Variants in PCCA observed in about 807,000 individuals in gnomAD.
The protein encoded by PCCA is propionyl-CoA carboxylase alpha chain, mitochondrial.
PCCA carries 74 observed loss-of-function variants against 101.3 expected under a neutral mutation model. That is an observed-to-expected ratio of 0.73 (90% CI 0.61 to 0.89). The LOEUF is 0.89. Ranked by LOEUF, PCCA falls within the 40% of genes least tolerant of loss-of-function variation. The probability of loss-of-function intolerance (pLI) is 0.00; values close to 1 mark genes in which losing one functional copy is unlikely to be tolerated. For synonymous variants in PCCA, 294 were observed against 313.6 expected (o/e 0.94, Z 0.66); for missense variants, 891 against 907.0 (o/e 0.98, Z 0.23).
Position 100,295,254 on chromosome 13 carries a change from T to C in PCCA, c.1066-6206T>C, listed in dbSNP as rs554300638. Among the ~76,000 whole-genome samples, 30 of 152,304 alleles carry C rather than the reference T, an allele frequency of 2.0e-4. No individual in the cohort carries two copies. In the South Asian group the frequency reaches 5.8e-3, roughly 29 times the overall value. On this transcript the variant is annotated intron_variant, in intron 12 of 23. Coordinates refer to ENST00000376285, the MANE Select transcript of PCCA (RefSeq NM_000282.4). ...CAAAAATAATGGCATTGACCATCCT[T>C]TCAGGCTGGAATAGCAACAAACTAC...
At chr13:100,096,498 C>A (rs1292075940) in intron 1 of PCCA, among the ~76,000 whole-genome samples, 2 of 152,148 alleles carry the variant, frequency 1.3e-5, no homozygotes, top group East Asian at 3.9e-4. Flanking sequence ...AATTAATAAT[C>A]TTCTAAGCGT....
At chr13:100,155,176 G>C in intron 5 of PCCA, 84 bp downstream of exon 5, 1 of 898,216 alleles carries the variant, frequency 1.1e-6, no homozygotes, top group Middle Eastern at 2.2e-4. Flanking sequence ...AAAAAAAATA[G>C]GAAAGAATGA....
intron 19 of PCCA, among the ~76,000 whole-genome samples, chr13:100,392,554 G>A (rs1567056382): frequency 6.6e-6 from 1 of 152,064 alleles, no homozygotes; most frequent in East Asian, 1.9e-4. Flanking sequence ...ATTCTTCACA[G>A]TTTTTTCTCT....
At chr13:100,515,628 G>A in intron 22 of PCCA, 61 bp downstream of exon 22, 1 of 1,586,204 alleles carries the variant, frequency 6.3e-7, no homozygotes, top group Non-Finnish European at 8.6e-7. Context: ...CTTCCAAAGC[G>A]ACGGCTAACG....
chr13:100,141,895 G>T (rs2051916120), intron 4 of PCCA, among the ~76,000 whole-genome samples: 1 of 152,164 alleles, frequency 6.6e-6, no homozygotes, highest in African/African-American at 2.4e-5. Context: ...ATGTTAAAGG[G>T]ATATGATGGG....
chr13:100,427,866 T>A (rs911365473), intron 20 of PCCA, among the ~76,000 whole-genome samples: 1 of 152,158 alleles, frequency 6.6e-6, no homozygotes, highest in African/African-American at 2.4e-5. Context: ...ATAACAATTG[T>A]AGTAATAATA....
At chr13:100,104,924 G>A (rs756251135) in intron 2 of PCCA, among the ~76,000 whole-genome samples, 7 of 151,794 alleles carry the variant, frequency 4.6e-5, no homozygotes, top group Non-Finnish European at 7.4e-5. Flanking sequence ...GGCTGGTCTC[G>A]AACTCCTGAC....
At chr13:100,221,172 G>C (rs2059790126) in intron 7 of PCCA, among the ~76,000 whole-genome samples, 1 of 152,198 alleles carries the variant, frequency 6.6e-6, no homozygotes, top group Non-Finnish European at 1.5e-5. Context: ...GTTGAGGACA[G>C]TATATTAGTA....
intron 6 of PCCA, among the ~76,000 whole-genome samples, chr13:100,173,091 C>T (rs1566633049): frequency 6.6e-6 from 1 of 152,022 alleles, no homozygotes; most frequent in Non-Finnish European, 1.5e-5. Flanking sequence ...TTCAGGGTCC[C>T]AAAGGGACTA....
chr13:100,342,128 T>C (rs1474963752), intron 18 of PCCA, among the ~76,000 whole-genome samples: 2 of 151,848 alleles, frequency 1.3e-5, no homozygotes, highest in Non-Finnish European at 2.9e-5. Context: ...CATGCACACA[T>C]TATCTAGCTT....
In PCCA at chr13:100,294,629, A is replaced by C. The variant is rs2065382068; in HGVS notation, c.1066-6831A>C. ...TTTTTAAGGACAAGTTCCAGAAATG[A>C]ATTGGCAGTGGTGATATTAAATGCA... On this transcript the variant is annotated intron_variant, in intron 12 of 23. Transcript: ENST00000376285. Among the ~76,000 whole-genome samples, 3 of 152,196 alleles carry C rather than the reference A, an allele frequency of 2.0e-5. No homozygotes were observed. In the South Asian group the frequency reaches 6.2e-4, roughly 32 times the overall value.
At chr13:100,132,297 T>TCATTACCCCTCAGACTCCCTTGTGAGC (rs2050615470) in intron 4 of PCCA, among the ~76,000 whole-genome samples, 8 of 151,960 alleles carry the variant, frequency 5.3e-5, no homozygotes, top group Non-Finnish European at 1.2e-4. Context: ...CCCTTGTGAG[T>TCATTACCCCTCAGACTCCCTTGTGAGC]CATTACCCCT....
chr13:100,227,971 G>A (rs1052109121), intron 7 of PCCA, among the ~76,000 whole-genome samples: 11 of 152,004 alleles, frequency 7.2e-5, no homozygotes, highest in African/African-American at 2.7e-4. Context: ...AAAATGAATA[G>A]CATCAAATTT....
At chr13:100,431,956 G>A (rs2079581839) in intron 20 of PCCA, among the ~76,000 whole-genome samples, 1 of 152,066 alleles carries the variant, frequency 6.6e-6, no homozygotes, top group Admixed American at 6.6e-5. Context: ...TTGGGAGGCC[G>A]AGGCGGGTGG....
chr13:100,516,261 G>A (rs906142310), intron 22 of PCCA, among the ~76,000 whole-genome samples: 2 of 152,172 alleles, frequency 1.3e-5, no homozygotes, highest in African/African-American at 4.8e-5. Context: ...TTAAATACTT[G>A]CATTTTTATT....
chr13:100,126,891 A>G (rs1408613591), intron 4 of PCCA, among the ~76,000 whole-genome samples: 1 of 152,186 alleles, frequency 6.6e-6, no homozygotes, highest in Non-Finnish European at 1.5e-5. Flanking sequence ...TGTTATGGGT[A>G]ATACTCAGTG....
At chr13:100,121,238 C>A (rs1320095512) in intron 4 of PCCA, among the ~76,000 whole-genome samples, 8 of 149,426 alleles carry the variant, frequency 5.4e-5, no homozygotes, top group Non-Finnish European at 8.9e-5. Flanking sequence ...CCCACTGCAA[C>A]CTCCACCTCC....
intron 19 of PCCA, among the ~76,000 whole-genome samples, chr13:100,410,002 C>T (rs1221859128): frequency 1.3e-5 from 2 of 151,920 alleles, no homozygotes; most frequent in Non-Finnish European, 2.9e-5. Context: ...TCAAGTGATC[C>T]ACCCACCTCA....
intron 12 of PCCA, among the ~76,000 whole-genome samples, chr13:100,278,626 C>T (rs1215818549): frequency 1.3e-5 from 2 of 151,936 alleles, no homozygotes; most frequent in South Asian, 2.1e-4. Flanking sequence ...ACTATAGGTG[C>T]GTGCCACTAC....
Sources: allele counts gnomAD v4.1 joint callset (sites outside exome capture counted in the v4.1 genomes callset), GRCh38; gene constraint gnomAD v4.1.1; transcripts MANE v1.5; gene names NCBI Gene and HGNC (gene_info 2026-07-23, HGNC 2026-07-21).